Variants in KIAA1328 observed in about 807,000 individuals in gnomAD.
The protein encoded by KIAA1328 is KIAA1328, also known as protein hinderin.
KIAA1328 carries 52 observed loss-of-function variants against 68.1 expected under a neutral mutation model. That is an observed-to-expected ratio of 0.76 (90% CI 0.61 to 0.96). The LOEUF is 0.96. Among genes scored for constraint, KIAA1328 ranks in the 40% least tolerant of loss-of-function variants. KIAA1328 has a pLI of 0.00. For missense variants in KIAA1328, 641 were observed against 677.6 expected (o/e 0.95, Z 0.60); for synonymous variants, 232 against 239.4 (o/e 0.97, Z 0.28).
chr18:37,096,291 T>C (rs2057404439), intron 7 of KIAA1328, among the ~76,000 whole-genome samples: 1 of 152,136 alleles, frequency 6.6e-6, no homozygotes, highest in South Asian at 2.1e-4. Flanking sequence ...TGTGTTCTCA[T>C]TGTTCAATTC....
chr18:36,951,554 A>G (rs181390174), intron 5 of KIAA1328, among the ~76,000 whole-genome samples: 77 of 152,264 alleles, frequency 5.1e-4, no homozygotes, highest in African/African-American at 1.8e-3. Flanking sequence ...TAAAGTGATT[A>G]ACTCCCAAAT....
chr18:36,969,507 C>T (rs999959839), intron 6 of KIAA1328, among the ~76,000 whole-genome samples: 6 of 152,132 alleles, frequency 3.9e-5, no homozygotes, highest in African/African-American at 1.4e-4. Context: ...CTATTATGAA[C>T]ACCTCTATGC....
intron 7 of KIAA1328, among the ~76,000 whole-genome samples, chr18:37,116,868 C>A (rs2058124714): frequency 6.6e-6 from 1 of 152,150 alleles, no homozygotes; most frequent in African/African-American, 2.4e-5. Flanking sequence ...ACAGACACTT[C>A]TCAAAAGAAG....
intron 5 of KIAA1328, among the ~76,000 whole-genome samples, chr18:36,926,755 G>T (rs1359149413): frequency 1.3e-5 from 2 of 152,148 alleles, no homozygotes; most frequent in Non-Finnish European, 2.9e-5. Flanking sequence ...AATACAGGGT[G>T]GGTGTGTGTT....
At chr18:37,200,907 C>T (rs559674560) in intron 9 of KIAA1328, among the ~76,000 whole-genome samples, 1 of 152,066 alleles carries the variant, frequency 6.6e-6, no homozygotes, top group South Asian at 2.1e-4. Flanking sequence ...ACAGTTCCCC[C>T]TTTTGATCAA....
At chr18:36,888,525 C>T (rs1261805618) in intron 5 of KIAA1328, among the ~76,000 whole-genome samples, 1 of 151,984 alleles carries the variant, frequency 6.6e-6, no homozygotes, top group African/African-American at 2.4e-5. Context: ...AATGGTATAT[C>T]ATTGTCAAAA....
At chr18:36,958,644 A>G (rs1411729531) in intron 5 of KIAA1328, among the ~76,000 whole-genome samples, 1 of 152,080 alleles carries the variant, frequency 6.6e-6, no homozygotes, top group African/African-American at 2.4e-5. Context: ...TTGTTTTGGG[A>G]AATGTATATT....
chr18:36,894,128 C>G (rs890171482), intron 5 of KIAA1328, among the ~76,000 whole-genome samples: 4 of 152,106 alleles, frequency 2.6e-5, no homozygotes, highest in African/African-American at 7.2e-5. Context: ...TTCTTGACAC[C>G]AAGTGTTCTG....
intron 5 of KIAA1328, among the ~76,000 whole-genome samples, chr18:36,906,279 T>C (rs1412211434): frequency 6.6e-6 from 1 of 152,182 alleles, no homozygotes; most frequent in South Asian, 2.1e-4. Flanking sequence ...GTGTTATGTA[T>C]TCACCATACA....
chr18:36,987,481 A>T (rs941794728), intron 6 of KIAA1328, among the ~76,000 whole-genome samples: 1 of 88,904 alleles, frequency 1.1e-5, no homozygotes, highest in Non-Finnish European at 2.8e-5. Context: ...AACTTAGAGT[A>T]TAATAAAAAA....
At chr18:36,885,719 A>G (rs1307771690) in intron 5 of KIAA1328, 47 bp downstream of exon 5, 4 of 1,256,168 alleles carry the variant, frequency 3.2e-6, no homozygotes, top group South Asian at 2.8e-5. Flanking sequence ...AAGTTTGACT[A>G]TTTCTTTTTT....
At chr18:36,883,956 A>ATGTG (rs1323253967) in intron 4 of KIAA1328, among the ~76,000 whole-genome samples, 2 of 119,724 alleles carry the variant, frequency 1.7e-5, no homozygotes, top group African/African-American at 2.7e-5. Context: ...TATAAAGTAT[A>ATGTG]TATATATATA....
At chr18:37,093,072 A>G (rs879107977) in intron 7 of KIAA1328, among the ~76,000 whole-genome samples, 7 of 152,162 alleles carry the variant, frequency 4.6e-5, no homozygotes, top group African/African-American at 1.2e-4. Flanking sequence ...CATGAAGACT[A>G]CACTACTGCA....
At chr18:37,079,508 TA>T (rs979308461) in intron 7 of KIAA1328, among the ~76,000 whole-genome samples, 8 of 150,182 alleles carry the variant, frequency 5.3e-5, no homozygotes, top group South Asian at 2.1e-4. Flanking sequence ...AAAATAAAAA[TA>T]AAAAAAAGAA....
At chr18:36,956,267 G>A (rs1381895913) in intron 5 of KIAA1328, among the ~76,000 whole-genome samples, 1 of 152,148 alleles carries the variant, frequency 6.6e-6, no homozygotes, top group Non-Finnish European at 1.5e-5. Context: ...TGAAAAGGTT[G>A]CAATGACTGC....
intron 7 of KIAA1328, among the ~76,000 whole-genome samples, chr18:37,100,533 T>G (rs1341393277): frequency 6.6e-6 from 1 of 152,166 alleles, no homozygotes; most frequent in East Asian, 1.9e-4. Flanking sequence ...AGGCTCAAAC[T>G]GGGTGGAGCC....
At chr18:37,047,931 T>C (rs1287313130) in intron 6 of KIAA1328, among the ~76,000 whole-genome samples, 1 of 152,162 alleles carries the variant, frequency 6.6e-6, no homozygotes, top group Non-Finnish European at 1.5e-5. Flanking sequence ...AGAGGGAGTA[T>C]AATGACACCA....
chr18:37,194,015 G>T (rs1383958671), intron 9 of KIAA1328, among the ~76,000 whole-genome samples: 1 of 152,110 alleles, frequency 6.6e-6, no homozygotes, highest in Non-Finnish European at 1.5e-5. Flanking sequence ...TTAACCAGTC[G>T]ACTAGAATGG....
rs1219822106 is a variant in KIAA1328 at position 36,844,301 on chromosome 18, A to G, written c.331A>G (p.Arg111Gly). The G allele has an allele frequency of 6.3e-7, 1 of 1,579,846 alleles. No individual in the cohort carries two copies. The highest frequency in any genetic ancestry group is 8.6e-7 in the Non-Finnish European group (1 of 1,162,230). ...RIANLIKELA[R>G]VSEEKEVTEE... ...TGCAAACTTAATTAAAGAACTGGCCAGGTGAGATAAAACCTTATATGAAAT... is the reference window on the plus strand; with the variant it reads ...TGCAAACTTAATTAAAGAACTGGCCGGGTGAGATAAAACCTTATATGAAAT... The change falls in exon 4 of 10, where the codon AGA becomes GGA. Residue 111 changes from arginine to glycine, a missense_variant and splice_region_variant. Coordinates refer to ENST00000280020, the MANE Select transcript of KIAA1328 (RefSeq NM_020776.3).
Sources: allele counts gnomAD v4.1 joint callset (sites outside exome capture counted in the v4.1 genomes callset), GRCh38; gene constraint gnomAD v4.1.1; transcripts MANE v1.5; gene names NCBI Gene and HGNC (gene_info 2026-07-23, HGNC 2026-07-21).